The following RNF130 variants were observed in gnomAD, a reference collection of about 807,000 sequenced individuals.
RNF130 encodes ring finger protein 130, also known as E3 ubiquitin-protein ligase RNF130.
Under a neutral mutation model 44.6 loss-of-function variants are expected in RNF130, and 21 were observed. The observed-to-expected ratio is 0.47, with a 90% CI of 0.33 to 0.68. The LOEUF (loss-of-function observed/expected upper bound fraction) is 0.68, where lower values mean the gene tolerates loss of function less well. RNF130 is among the 30% of genes least tolerant of loss of function. The pLI is 0.02. For missense variants in RNF130, 479 were observed against 560.6 expected, an observed-to-expected ratio of 0.85 and a Z score of 1.47; for synonymous variants, 214 against 210.4, an observed-to-expected ratio of 1.02 and a Z score of -0.15.
rs995105938 is a variant in RNF130, at chr5:179,932,503, G to A, written c.1151-12077C>T. ...TCAAACTCCTGACCTCAAATGATCC[G>A]CCCGCCTCAGCCTTCCAAAGTGCTG... is the stretch of plus-strand genomic sequence containing the variant. On this transcript the variant is annotated intron_variant, in intron 7 of 7. Transcript: ENST00000522208. Among the ~76,000 whole-genome samples the A allele has an allele frequency of 1.3e-4, 20 of 151,524 alleles. No individual in the cohort carries two copies. In the East Asian group the frequency reaches 3.0e-3, roughly 22 times the overall value.
intron 1 of RNF130, among the ~76,000 whole-genome samples, chr5:180,062,168 C>T (rs1401926139): frequency 6.6e-6 from 1 of 151,976 alleles, no homozygotes; most frequent in African/African-American, 2.4e-5. Flanking sequence ...AATTCTCCTG[C>T]CTCAGCCTCC....
chr5:180,016,558 T>A (rs1561694051), intron 2 of RNF130, among the ~76,000 whole-genome samples: 1 of 152,190 alleles, frequency 6.6e-6, no homozygotes, highest in Non-Finnish European at 1.5e-5. Context: ...CCGCCAGTAC[T>A]AACTGTCAGA....
intron 7 of RNF130, among the ~76,000 whole-genome samples, chr5:179,925,372 C>T (rs889180819): frequency 4.6e-5 from 7 of 152,118 alleles, no homozygotes; most frequent in South Asian, 2.1e-4. Flanking sequence ...TAGCTAAACA[C>T]GTAGAGGTAC....
At position 179,977,972 on chromosome 5, in the gene RNF130, C is replaced by T. The variant is rs761268126; in HGVS notation, c.848+231G>A. 6.6e-6 allele frequency among the ~76,000 whole-genome samples: 1 copy of T among 152,250 alleles called. No homozygotes were observed. The highest frequency in any genetic ancestry group is 1.5e-5 in the Non-Finnish European group (1 of 68,042). On this transcript the variant is annotated intron_variant, in intron 5 of 8. Transcript: ENST00000521389. The surrounding 1 kb of genome is among the most constrained non-coding windows in gnomAD (Gnocchi z 4.1). ...CTGTGTCTGGGGAGTCTGGAGGCCG[C>T]GTGCCACATCGCATATTGGCTACAC...
chr5:179,978,753 C>A (rs1423718656), intron 4 of RNF130, among the ~76,000 whole-genome samples: 1 of 152,144 alleles, frequency 6.6e-6, no homozygotes, highest in Non-Finnish European at 1.5e-5. Flanking sequence ...AGAAACCCAC[C>A]CCAAGAATGG....
intron 7 of RNF130, among the ~76,000 whole-genome samples, chr5:179,942,915 G>A (rs1761985240): frequency 6.6e-6 from 1 of 152,164 alleles, no homozygotes; most frequent in South Asian, 2.1e-4. Flanking sequence ...CTTTTCTTCT[G>A]GCTGGGTGCC....
rs1043951075 is a variant in RNF130 at position 179,977,285 on chromosome 5, A to C, written c.848+918T>G. 2 of 152,230 alleles carry C rather than the reference A, an allele frequency of 1.3e-5. No individual in the cohort carries two copies. Among genetic ancestry groups the C allele is most frequent in the African/African-American group, 2.4e-5 (1 of 41,432 alleles). The allele number at this position is 152,230 out of a possible 1,614,324, so 9.4% of individuals were successfully genotyped here. A position where few individuals can be genotyped will look rare whatever the true frequency, so the allele number is the denominator to read the frequency against. The stretch of plus-strand genomic sequence containing the variant: ...GTATCAGTTCTTTCCATTTTGCATA[A>C]TCCAGGTTTAGAAAAAGATTTAATC... On this transcript the variant is annotated intron_variant, in intron 5 of 8. Coordinates refer to ENST00000521389, the MANE Select transcript of RNF130 (RefSeq NM_018434.6). This position sits in a 1 kb window ranked among gnomAD's most constrained non-coding sequence, Gnocchi z 4.1.
At chr5:179,967,084 A>C in intron 6 of RNF130, 74 bp from the exon 7 acceptor site, 2 of 1,392,154 alleles carry the variant, frequency 1.4e-6, no homozygotes, top group Non-Finnish European at 2.0e-6. Context: ...AAAAGATTCT[A>C]AACTTTGACG....
chr5:180,009,759 A>G (rs1033773952), intron 3 of RNF130, among the ~76,000 whole-genome samples: 1 of 152,224 alleles, frequency 6.6e-6, no homozygotes, highest in African/African-American at 2.4e-5. Flanking sequence ...CATTTATCCC[A>G]GGGAAACGAA....
At chr5:179,946,461 G>A (rs925440760) in intron 7 of RNF130, among the ~76,000 whole-genome samples, 1 of 151,926 alleles carries the variant, frequency 6.6e-6, no homozygotes, top group South Asian at 2.1e-4. Flanking sequence ...TTAAGGTAAA[G>A]AAACAAGAGT....
intron 2 of RNF130, among the ~76,000 whole-genome samples, chr5:180,031,124 T>C (rs1453678380): frequency 4.6e-5 from 7 of 152,244 alleles, no homozygotes; most frequent in Non-Finnish European, 8.8e-5. Context: ...GCATATAACA[T>C]ATATAACAAA....
chr5:180,006,492 C>A (rs1315124669), intron 3 of RNF130, among the ~76,000 whole-genome samples: 1 of 152,134 alleles, frequency 6.6e-6, no homozygotes, highest in Non-Finnish European at 1.5e-5. Flanking sequence ...CCCTGAGATA[C>A]TTATAAAGTC....
At chr5:179,929,955 TAA>T (rs1411573687) in intron 7 of RNF130, among the ~76,000 whole-genome samples, 3 of 152,240 alleles carry the variant, frequency 2.0e-5, no homozygotes, top group South Asian at 4.1e-4. Context: ...GTTCTCTGTA[TAA>T]AAGCCTTGCG....
intron 2 of RNF130, among the ~76,000 whole-genome samples, chr5:180,025,632 A>T (rs1212718947): frequency 2.0e-5 from 3 of 152,100 alleles, no homozygotes; most frequent in South Asian, 2.1e-4. Flanking sequence ...ATAATTATGA[A>T]TTTTTTTTAA....
At position 180,040,586 on chromosome 5, in the gene RNF130, C is replaced by T; in HGVS notation, c.309G>A (p.Gln103=). The T allele has an allele frequency of 6.2e-7, 1 of 1,614,210 alleles. No individual in the cohort carries two copies. Among genetic ancestry groups the T allele is most frequent in the Non-Finnish European group, 8.5e-7 (1 of 1,180,038 alleles). ...TTCCCCTCTGCAGCAAGGCAATCCA[C>T]TGTTTGATATTAGGAGGGACAAAGA... ...TRFFVPPNIK[Q]WIALLQRGNC... Residue 103 remains glutamine, a synonymous_variant, in exon 2 of 9, where the codon CAG becomes CAA. Transcript: ENST00000521389.
At chr5:180,010,171 T>C (rs948027257) in intron 3 of RNF130, among the ~76,000 whole-genome samples, 3 of 133,288 alleles carry the variant, frequency 2.3e-5, no homozygotes, top group Non-Finnish European at 4.6e-5. Flanking sequence ...GGCGTGAACC[T>C]GGGAGGCGGA....
intron 6 of RNF130, among the ~76,000 whole-genome samples, chr5:179,969,046 G>A (rs982441382): frequency 6.6e-6 from 1 of 152,174 alleles, no homozygotes; most frequent in Non-Finnish European, 1.5e-5. Context: ...AGATGACTTC[G>A]ATCTCCTTTG....
intron 7 of RNF130, 57 bp downstream of exon 7, chr5:179,966,749 C>T (rs1196900660): frequency 1.3e-6 from 2 of 1,511,356 alleles, no homozygotes; most frequent in African/African-American, 2.8e-5. Flanking sequence ...CCTGATGGTC[C>T]CGAATGCCCA....
chr5:179,978,177 T>G (rs1478462567), intron 5 of RNF130, 26 bp downstream of exon 5: 1 of 1,579,484 alleles, frequency 6.3e-7, no homozygotes, highest in Non-Finnish European at 8.7e-7. Context: ...ATATCATTCT[T>G]TCTCAAACAA....
Sources: allele counts gnomAD v4.1 joint callset (sites outside exome capture counted in the v4.1 genomes callset), GRCh38; gene constraint gnomAD v4.1.1; non-coding constraint Gnocchi (gnomAD v3.1); transcripts MANE v1.5; gene names NCBI Gene and HGNC (gene_info 2026-07-23, HGNC 2026-07-21).